Variants in DAB1 observed in about 807,000 individuals in gnomAD.
The protein encoded by DAB1 is disabled homolog 1.
A neutral mutation model predicts 64.6 loss-of-function variants in DAB1; 15 were observed. The ratio of observed to expected loss-of-function variants is 0.23; its 90% CI spans 0.16 to 0.36. DAB1 has a LOEUF of 0.36. Ranked by LOEUF, DAB1 falls within the 10% of genes least tolerant of loss-of-function variation. The pLI is 1.00. For missense variants in DAB1, 596 were observed against 706.7 expected (o/e 0.84, Z 1.78); for synonymous variants, 235 against 251.9 (o/e 0.93, Z 0.64).
At chr1:57,432,117 GAA>G (rs113942764) in intron 7 of DAB1, among the ~76,000 whole-genome samples, 1 of 117,026 alleles carries the variant, frequency 8.5e-6, no homozygotes, top group African/African-American at 3.1e-5. Context: ...GCAAGACTCT[GAA>G]AAAAAAAAAA....
At position 57,926,685 on chromosome 1, in the gene DAB1, A is replaced by G. The variant is rs770894101; in HGVS notation, n.388-42523T>C. Among the ~76,000 whole-genome samples, 14 of 152,340 alleles carry G rather than the reference A, an allele frequency of 9.2e-5. 1 individual carries two copies. The highest frequency in any genetic ancestry group is 2.1e-4 in the South Asian group (1 of 4,824). ...CACTTTGCAAATAGCAAAGCCACAT[A>G]TACAAGTGTCAGATATGACTATTAC... On this transcript the variant is annotated intron_variant and non_coding_transcript_variant, in intron 5 of 20. Coordinates refer to the DAB1 transcript ENST00000485760.
intron 5 of DAB1, among the ~76,000 whole-genome samples, chr1:57,945,134 A>G (rs1004607504): frequency 9.2e-5 from 14 of 152,198 alleles, no homozygotes; most frequent in African/African-American, 3.4e-4. Flanking sequence ...TTCTGCCTGC[A>G]ACATCTATTC....
At chr1:57,918,557 G>C (rs567628894) in intron 5 of DAB1, among the ~76,000 whole-genome samples, 8 of 152,166 alleles carry the variant, frequency 5.3e-5, no homozygotes, top group Non-Finnish European at 1.2e-4. Flanking sequence ...AGGCGCGGTG[G>C]CTCACACCTG....
rs56324635 is a variant in DAB1 at position 57,991,845 on chromosome 1, C to CAAAAAAA, written n.388-107690_388-107684dup. Reference sequence around the variant, plus strand: ...TGGGCAACAGATTGAGGCTCTGTCTCAAAAAAAAAAAAAAAAAAAAAAAAG... The same window carrying CAAAAAAA: ...TGGGCAACAGATTGAGGCTCTGTCTCAAAAAAAAAAAAAAAAAAAAAAAAAAAAAAAG... On this transcript the variant is annotated intron_variant and non_coding_transcript_variant, in intron 5 of 20. Transcript: ENST00000485760. Among the ~76,000 whole-genome samples the CAAAAAAA allele has an allele frequency of 5.0e-5, 3 of 60,156 alleles. 1 individual carries two copies. The highest frequency in any genetic ancestry group is 8.3e-5 in the Non-Finnish European group (3 of 36,360). The allele number at this position is 60,156 out of a possible 152,430, so 39.5% of individuals were successfully genotyped here.
At chr1:58,080,822 A>G (rs1649951307) in intron 5 of DAB1, among the ~76,000 whole-genome samples, 2 of 152,242 alleles carry the variant, frequency 1.3e-5, no homozygotes, top group Admixed American at 1.3e-4. Context: ...TCACCCCAAA[A>G]TAACTACCCA....
intron 2 of DAB1, among the ~76,000 whole-genome samples, chr1:58,515,610 C>T (rs1646147027): frequency 6.6e-6 from 1 of 152,040 alleles, no homozygotes; most frequent in Non-Finnish European, 1.5e-5. Context: ...TTACAACATA[C>T]CTATTAAATA....
intron 6 of DAB1, among the ~76,000 whole-genome samples, chr1:57,699,551 C>T (rs1347875201): frequency 6.6e-6 from 1 of 152,066 alleles, no homozygotes; most frequent in Non-Finnish European, 1.5e-5. Context: ...GATGAGGAAG[C>T]AAGACAAAAT....
chr1:58,500,273 TATG>T (rs1233231167), intron 3 of DAB1, among the ~76,000 whole-genome samples: 3 of 152,182 alleles, frequency 2.0e-5, no homozygotes, highest in African/African-American at 7.2e-5. Context: ...CAGCAGCTGC[TATG>T]ATATTTGCCT....
chr1:58,160,431 A>G (rs748201005), intron 4 of DAB1, among the ~76,000 whole-genome samples: 37 of 152,180 alleles, frequency 2.4e-4, no homozygotes, highest in Non-Finnish European at 4.4e-4. Context: ...GCCACTCAAG[A>G]AAAGCAAATC....
chr1:58,197,354 A>G (rs1196320143), intron 4 of DAB1, among the ~76,000 whole-genome samples: 2 of 151,980 alleles, frequency 1.3e-5, no homozygotes, highest in African/African-American at 4.8e-5. Context: ...TGAGATATCC[A>G]TTTTCTCTTT....
rs565437497 is a variant in DAB1 at position 57,363,788 on chromosome 1, A to C, written c.-137+60142T>G. Among the ~76,000 whole-genome samples, 9 of 152,232 alleles carry C rather than the reference A, an allele frequency of 5.9e-5. No homozygotes were observed. In the East Asian group the frequency reaches 1.7e-3, roughly 29 times the overall value. ...GAGTTAACAAACCAGGACATCTAGAAATAAGAAGTGCTAAAATCAGCTGAT... is the reference window on the plus strand; with the variant it reads ...GAGTTAACAAACCAGGACATCTAGACATAAGAAGTGCTAAAATCAGCTGAT... On this transcript the variant is annotated intron_variant, in intron 1 of 14. Coordinates refer to ENST00000371236, the MANE Select transcript of DAB1 (RefSeq NM_001365792.1).
chr1:57,094,521 G>A (rs1418327402), intron 4 of DAB1, among the ~76,000 whole-genome samples: 1 of 152,204 alleles, frequency 6.6e-6, no homozygotes, highest in Non-Finnish European at 1.5e-5. Context: ...CAGGGAGGAG[G>A]CGAAGGGGGG....
chr1:58,151,897 C>G (rs1570421532), intron 4 of DAB1, among the ~76,000 whole-genome samples: 1 of 152,316 alleles, frequency 6.6e-6, no homozygotes, highest in East Asian at 1.9e-4. Context: ...ACAACCAACT[C>G]TGTGGGGAAG....
chr1:57,842,661 G>C (rs1278637257), intron 1 of DAB1, among the ~76,000 whole-genome samples: 1 of 152,272 alleles, frequency 6.6e-6, no homozygotes, highest in Middle Eastern at 3.4e-3. Flanking sequence ...GCAAGCAAGG[G>C]GGGGATGTGC....
chr1:57,901,986 T>C (rs1417818257), intron 5 of DAB1, among the ~76,000 whole-genome samples: 1 of 151,680 alleles, frequency 6.6e-6, no homozygotes, highest in African/African-American at 2.4e-5. Flanking sequence ...CAAAACCCCA[T>C]CTCTACAAAA....
intron 7 of DAB1, among the ~76,000 whole-genome samples, chr1:57,553,460 G>GGGAA (rs1286901622): frequency 7.5e-5 from 7 of 92,878 alleles, no homozygotes; most frequent in African/African-American, 2.9e-4. Flanking sequence ...AAGAAAGAAA[G>GGGAA]AGAAAGGGAA....
chr1:57,780,547 G>A (rs1266692496), intron 6 of DAB1, among the ~76,000 whole-genome samples: 2 of 151,174 alleles, frequency 1.3e-5, no homozygotes, highest in Admixed American at 6.6e-5. Context: ...TGTTCATTGT[G>A]TTAAAACATA....
At chr1:58,256,919 A>G (rs748996684) in intron 4 of DAB1, among the ~76,000 whole-genome samples, 7 of 152,252 alleles carry the variant, frequency 4.6e-5, no homozygotes, top group Non-Finnish European at 8.8e-5. Flanking sequence ...TGACACTCAT[A>G]TGCTGATTTG....
intron 2 of DAB1, among the ~76,000 whole-genome samples, chr1:57,234,714 G>C (rs1410487048): frequency 6.6e-6 from 1 of 152,114 alleles, no homozygotes; most frequent in Non-Finnish European, 1.5e-5. Flanking sequence ...TCAAGGTATT[G>C]ACCAGGCTAG....
Sources: gnomAD v4.1 joint callset for allele counts (sites outside exome capture counted in the v4.1 genomes callset) on GRCh38, gnomAD v4.1.1 for gene constraint, MANE v1.5 for transcripts, NCBI Gene and HGNC (gene_info 2026-07-23, HGNC 2026-07-21) for gene names.